ITCH: variants seen among roughly 807,000 people sequenced by gnomAD.
ITCH encodes the protein itchy E3 ubiquitin protein ligase, also known as E3 ubiquitin-protein ligase Itchy homolog.
In ITCH, 28 loss-of-function variants were observed where a neutral mutation model predicts 126.8. The observed-to-expected ratio is 0.22, with a 90% CI of 0.16 to 0.30. The LOEUF (loss-of-function observed/expected upper bound fraction) is 0.30, where lower values mean the gene tolerates loss of function less well. ITCH is among the 10% of genes least tolerant of loss of function. ITCH has a pLI of 1.00. For missense variants in ITCH, 631 were observed against 1,032.4 expected (o/e 0.61, Z 5.33); for synonymous variants, 342 against 340.0 (o/e 1.01, Z -0.06).
At chr20:34,493,975 T>A (rs1418741383) in intron 23 of ITCH, among the ~76,000 whole-genome samples, 1 of 152,202 alleles carries the variant, frequency 6.6e-6, no homozygotes, top group Non-Finnish European at 1.5e-5. Flanking sequence ...ACGCCTATAA[T>A]TCCAGCACTT....
intron 15 of ITCH, among the ~76,000 whole-genome samples, 180 bp downstream of exon 15, chr20:34,470,300 G>T (rs555037141): frequency 4.5e-4 from 69 of 152,116 alleles, no homozygotes; most frequent in Admixed American, 1.6e-3. Flanking sequence ...TTGTGACTTT[G>T]GTTATTCAGA....
chr20:34,402,525 A>G (rs2038923291), intron 3 of ITCH: 4 of 749,666 alleles, frequency 5.3e-6, no homozygotes, highest in African/African-American at 3.4e-5. Context: ...ATAATCCCTC[A>G]TAATCCTCTT....
At chr20:34,468,906 G>A (rs1987347581) in intron 14 of ITCH, among the ~76,000 whole-genome samples, 1 of 152,056 alleles carries the variant, frequency 6.6e-6, no homozygotes, top group Admixed American at 6.6e-5. Flanking sequence ...AAATCATGAA[G>A]AATCTAGAAA....
intron 2 of ITCH, among the ~76,000 whole-genome samples, chr20:34,393,548 A>G (rs181986194): frequency 5.7e-4 from 87 of 152,300 alleles, no homozygotes; most frequent in African/African-American, 2.0e-3. Context: ...GTAGGACACA[A>G]ACCTGGAGAA....
chr20:34,400,685 G>T (rs1191367404), intron 3 of ITCH, among the ~76,000 whole-genome samples: 1 of 122,778 alleles, frequency 8.1e-6, no homozygotes, highest in African/African-American at 3.2e-5. Flanking sequence ...TCGTTCTGTC[G>T]CCCAGGCTGG....
intron 16 of ITCH, chr20:34,476,413 G>A (rs1988233986): frequency 1.6e-6 from 2 of 1,237,094 alleles, no homozygotes; most frequent in African/African-American, 3.1e-5. Context: ...CCACCGGCCG[G>A]CCGGGTCGCC....
chr20:34,366,399 A>AT (rs150328722), intron 1 of ITCH, among the ~76,000 whole-genome samples: 1 of 151,882 alleles, frequency 6.6e-6, no homozygotes, highest in Non-Finnish European at 1.5e-5. Flanking sequence ...AATTTTTAAA[A>AT]TTTTTTTGTA....
chr20:34,462,300 G>T, intron 14 of ITCH, 79 bp downstream of exon 14: 1 of 1,437,938 alleles, frequency 7.0e-7, no homozygotes, highest in Non-Finnish European at 9.7e-7. Flanking sequence ...TATTAGCAAG[G>T]AGTGGAAGTC....
At position 34,369,390 on chromosome 20, in the gene ITCH, T is replaced by G; in HGVS notation, c.-98-4T>G. 2.5e-6 allele frequency: 1 copy of G among 398,998 alleles called. No individual in the cohort carries two copies. The highest frequency in any genetic ancestry group is 3.6e-5 in the East Asian group (1 of 28,074). 24.7% of individuals were successfully genotyped at this position (398,998 alleles called of 1,614,324 possible). A position where few individuals can be genotyped will look rare whatever the true frequency, so the allele number is the denominator to read the frequency against. ...GTGTTAATGGACTCTCCTTCCTTTC[T>G]CAGGTACCATGCATTTCACGGTGGC... On this transcript the variant is annotated splice_polypyrimidine_tract_variant and splice_region_variant and intron_variant, in intron 1 of 24. Coordinates refer to ENST00000374864, the MANE Select transcript of ITCH (RefSeq NM_031483.7).
intron 6 of ITCH, among the ~76,000 whole-genome samples, chr20:34,414,495 T>C (rs934208462): frequency 3.3e-5 from 5 of 150,662 alleles, no homozygotes; most frequent in Admixed American, 6.6e-5. Flanking sequence ...AGACGGAGTT[T>C]TGCTCTTGTT....
At chr20:34,423,435 C>T (rs1285888177) in intron 6 of ITCH, among the ~76,000 whole-genome samples, 1 of 151,830 alleles carries the variant, frequency 6.6e-6, no homozygotes, top group Non-Finnish European at 1.5e-5. Context: ...TAATAATTTC[C>T]CTGTTTAAAC....
chr20:34,502,387 C>T (rs985055789), intron 23 of ITCH, among the ~76,000 whole-genome samples: 4 of 151,290 alleles, frequency 2.6e-5, no homozygotes, highest in Admixed American at 6.6e-5. Context: ...TAGTGATACC[C>T]TGTGTCTTAA....
At position 34,480,653 on chromosome 20, in the gene ITCH, C is replaced by T. The variant is rs770844266; in HGVS notation, c.1873C>T (p.Arg625Cys). 5.6e-6 allele frequency: 9 copies of T among 1,612,692 alleles called. No individual in the cohort carries two copies. Among genetic ancestry groups the T allele is most frequent in the South Asian group, 5.5e-5 (5 of 91,050 alleles). ...DTGFSLPFYKRILNKPVGLKD... is the reference protein window; with the variant it reads ...DTGFSLPFYKCILNKPVGLKD... ...GGGTTTTTCTTTACCATTCTATAAGCGTATCTTGAACAAACCAGTTGGACT... is the reference window on the plus strand; with the variant it reads ...GGGTTTTTCTTTACCATTCTATAAGTGTATCTTGAACAAACCAGTTGGACT... The change falls in exon 19 of 25, where the codon CGT becomes TGT. Residue 625 changes from arginine (R) to cysteine (C), a missense_variant. Around this residue, in one of 4 missense-constraint regions of ITCH, gnomAD observed 390 missense variants for 731.6 expected, o/e 0.53. Transcript: ENST00000374864.
intron 7 of ITCH, 92 bp from the exon 8 acceptor site, chr20:34,438,382 G>A: frequency 1.5e-6 from 2 of 1,374,430 alleles, no homozygotes; most frequent in East Asian, 2.3e-5. Flanking sequence ...TAAAAACTTA[G>A]AAGTTTTCAT....
At chr20:34,449,285 C>A in intron 11 of ITCH, 126 bp from the exon 12 acceptor site, 1 of 634,826 alleles carries the variant, frequency 1.6e-6, no homozygotes, top group Non-Finnish European at 2.8e-6. Flanking sequence ...AACCATGTGA[C>A]ACTTCTTTAA....
chr20:34,367,999 G>A (rs1381379142), intron 1 of ITCH, among the ~76,000 whole-genome samples: 1 of 152,098 alleles, frequency 6.6e-6, no homozygotes, highest in Non-Finnish European at 1.5e-5. Flanking sequence ...GGCCGGGCGC[G>A]GTGGCTCATG....
At chr20:34,467,174 GACACAAGA>G in intron 14 of ITCH, among the ~76,000 whole-genome samples, 1 of 152,104 alleles carries the variant, frequency 6.6e-6, no homozygotes. Context: ...CACCAAAATG[GACACAAGA>G]ACAGATAGTA....
At chr20:34,363,892 C>T (rs544875023) in intron 1 of ITCH, among the ~76,000 whole-genome samples, 1 of 152,168 alleles carries the variant, frequency 6.6e-6, no homozygotes. Context: ...CTTCCATTGT[C>T]CCCCCGGCGT....
chr20:34,378,242 G>A (rs566476787), intron 2 of ITCH, among the ~76,000 whole-genome samples: 20 of 152,008 alleles, frequency 1.3e-4, no homozygotes, highest in South Asian at 4.1e-4. Flanking sequence ...AGGCCAAGGC[G>A]GGAGGATCAC....
Sources: gnomAD v4.1 joint callset for allele counts (sites outside exome capture counted in the v4.1 genomes callset) on GRCh38, gnomAD v4.1.1 for gene constraint, gnomAD v4.1.1 regional missense constraint, MANE v1.5 for transcripts, NCBI Gene and HGNC (gene_info 2026-07-23, HGNC 2026-07-21) for gene names.